LMOD1: variants seen among roughly 807,000 people sequenced by gnomAD.
LMOD1 encodes leiomodin 1.
Under a neutral mutation model 36.5 loss-of-function variants are expected in LMOD1, and 8 were observed. The ratio of observed to expected loss-of-function variants is 0.22; its 90% confidence interval spans 0.13 to 0.40. The LOEUF is 0.40. LMOD1 is among the 10% of genes least tolerant of loss of function. The probability of loss-of-function intolerance (pLI) is 1.00; values close to 1 mark genes in which losing one functional copy is unlikely to be tolerated. For synonymous variants in LMOD1, 284 were observed against 288.7 expected (o/e 0.98, Z 0.17); for missense variants, 630 against 751.1 (o/e 0.84, Z 1.88).
At chr1:201,898,999 T>G (rs12082024) in intron 2 of LMOD1, among the ~76,000 whole-genome samples, 2,258 of 152,186 alleles carry the variant, frequency 0.015, 50 homozygotes, top group African/African-American at 0.049. Context: ...TGGAGTGAGG[T>G]ATTAAAGGAA....
intron 1 of LMOD1, among the ~76,000 whole-genome samples, chr1:201,904,970 T>C (rs1681390180): frequency 6.6e-6 from 1 of 152,198 alleles, no homozygotes; most frequent in South Asian, 2.1e-4. Flanking sequence ...TACATCCCGG[T>C]GACCTCCAGA....
chr1:201,930,561 G>T (rs992953404), intron 1 of LMOD1, among the ~76,000 whole-genome samples: 10 of 152,120 alleles, frequency 6.6e-5, no homozygotes, highest in African/African-American at 2.4e-4. Flanking sequence ...GGGGTGGGGT[G>T]GGGTGACGAT....
intron 1 of LMOD1, among the ~76,000 whole-genome samples, chr1:201,927,970 TG>T (rs1444069281): frequency 4.6e-5 from 7 of 152,122 alleles, no homozygotes; most frequent in Admixed American, 4.6e-4. Context: ...GTTTGGGTCA[TG>T]GGGGCACTGC....
In LMOD1 at chr1:201,925,223, G is replaced by GA. The variant is rs373791932; in HGVS notation, c.261+20856dup. Among the ~76,000 whole-genome samples, 588 of 142,276 alleles carry GA rather than the reference G, an allele frequency of 4.1e-3. 6 individuals carry two copies. The highest frequency in any genetic ancestry group is 0.014 in the African/African-American group (530 of 39,054). The allele number at this position is 142,276 out of a possible 152,430, so 93.3% of individuals were successfully genotyped here. ...GCAAAACTCCAGCTCAAAAAAAAAA[G>GA]AAAAAAAAAAAGATCTTCCTTGGCC... On this transcript the variant is annotated intron_variant, in intron 1 of 2. Coordinates refer to ENST00000367288, the MANE Select transcript of LMOD1 (RefSeq NM_012134.3).
chr1:201,898,237 C>G lies in LMOD1; in HGVS notation c.*135G>C. 1.2e-6 allele frequency: 1 copy of G among 865,750 alleles called. No homozygotes were observed. The highest frequency in any genetic ancestry group is 2.7e-5 in the East Asian group (1 of 37,514). 53.6% of individuals were successfully genotyped at this position (865,750 alleles called of 1,614,324 possible). ...CATCCTTCCTTGAGCGTGACCCAGG[C>G]CTGGACTCTCCCATGGCAGAATAGG... is the stretch of plus-strand genomic sequence containing the variant. On this transcript the variant is annotated 3_prime_UTR_variant, in exon 3 of 3. Coordinates refer to ENST00000367288, the MANE Select transcript of LMOD1 (RefSeq NM_012134.3).
At chr1:201,937,708 G>A (rs1682039704) in intron 1 of LMOD1, among the ~76,000 whole-genome samples, 2 of 152,166 alleles carry the variant, frequency 1.3e-5, no homozygotes, top group African/African-American at 2.4e-5. Context: ...GGAAGTTGCA[G>A]TGAGCCAAGA....
chr1:201,906,590 T>TGCAGG (rs567860698), intron 1 of LMOD1, among the ~76,000 whole-genome samples: 462 of 152,292 alleles, frequency 3.0e-3, no homozygotes, highest in Non-Finnish European at 5.4e-3. Flanking sequence ...AGGGCTGGTG[T>TGCAGG]GCAGGGCAGG....
intron 1 of LMOD1, among the ~76,000 whole-genome samples, chr1:201,901,827 T>C (rs901207330): frequency 3.4e-5 from 5 of 148,426 alleles, no homozygotes; most frequent in Admixed American, 6.7e-5. Context: ...AGTAGGCCAA[T>C]AGTTCTGAGA....
chr1:201,900,795 A>G, intron 1 of LMOD1, 44 bp from the exon 2 acceptor site: 2 of 1,519,106 alleles, frequency 1.3e-6, no homozygotes, highest in Non-Finnish European at 1.8e-6. Flanking sequence ...AGCTGGCTAC[A>G]GAGGGAGAGG....
chr1:201,915,302 G>A (rs974588965), intron 1 of LMOD1, among the ~76,000 whole-genome samples: 5 of 152,096 alleles, frequency 3.3e-5, no homozygotes, highest in Non-Finnish European at 5.9e-5. Flanking sequence ...CACCTTTAGA[G>A]CCTCTCACCG....
At chr1:201,920,147 C>A (rs1681680195) in intron 1 of LMOD1, among the ~76,000 whole-genome samples, 1 of 146,532 alleles carries the variant, frequency 6.8e-6, no homozygotes, top group Admixed American at 7.1e-5. Context: ...GCAACCTCAA[C>A]CTCCGGGGTT....
At chr1:201,898,639 G>T (rs1230199153) in intron 2 of LMOD1, among the ~76,000 whole-genome samples, 1 of 152,180 alleles carries the variant, frequency 6.6e-6, no homozygotes, top group Non-Finnish European at 1.5e-5. Context: ...TGTTGTGGGG[G>T]TTGGGTATCC....
chr1:201,921,805 A>G (rs1178107245), intron 1 of LMOD1, among the ~76,000 whole-genome samples: 1 of 150,924 alleles, frequency 6.6e-6, no homozygotes, highest in African/African-American at 2.4e-5. Flanking sequence ...CTAAAAATAC[A>G]AAAAATTAGC....
intron 1 of LMOD1, among the ~76,000 whole-genome samples, chr1:201,923,219 G>A (rs1392518220): frequency 6.6e-6 from 1 of 152,110 alleles, no homozygotes; most frequent in Non-Finnish European, 1.5e-5. Flanking sequence ...GGTTTCCAGA[G>A]TGCAGCACGG....
At chr1:201,929,802 C>T (rs1382365142) in intron 1 of LMOD1, among the ~76,000 whole-genome samples, 1 of 152,174 alleles carries the variant, frequency 6.6e-6, no homozygotes, top group Non-Finnish European at 1.5e-5. Flanking sequence ...AGCCCTCACC[C>T]TTAAGAAGTT....
rs7530920 is a variant in LMOD1, at chr1:201,932,612, T to G, written c.261+13468A>C. 8.4e-3 allele frequency among the ~76,000 whole-genome samples: 1,278 copies of G among 151,784 alleles called. 21 individuals are homozygous for G. The highest frequency in any genetic ancestry group is 0.028 in the African/African-American group (1,146 of 41,392). ...ACTCAAAATAAAAAAATTAGCCAGG[T>G]ATGGTGGTGCACACCTGTAGTCAGG... On this transcript the variant is annotated intron_variant, in intron 1 of 2. Transcript: ENST00000367288.
chr1:201,942,230 T>C (rs1399442324), intron 1 of LMOD1, among the ~76,000 whole-genome samples: 3 of 152,212 alleles, frequency 2.0e-5, no homozygotes, highest in Admixed American at 2.0e-4. Flanking sequence ...TGCTGGGCCC[T>C]GCATTTGCAT....
intron 1 of LMOD1, among the ~76,000 whole-genome samples, chr1:201,905,170 G>A (rs116136676): frequency 1.5e-3 from 232 of 152,314 alleles, no homozygotes; most frequent in Middle Eastern, 3.4e-3. Flanking sequence ...GGGGAAGCCC[G>A]CAGGGGTGGT....
At chr1:201,935,803 C>T (rs1345680856) in intron 1 of LMOD1, among the ~76,000 whole-genome samples, 31 of 151,564 alleles carry the variant, frequency 2.0e-4, no homozygotes, top group African/African-American at 4.8e-4. Context: ...GTGATCTGCC[C>T]GCCTCAGCTT....
Sources: gnomAD v4.1 joint callset for allele counts (sites outside exome capture counted in the v4.1 genomes callset) on GRCh38, gnomAD v4.1.1 for gene constraint, MANE v1.5 for transcripts, NCBI Gene and HGNC (gene_info 2026-07-23, HGNC 2026-07-21) for gene names.